GNG7: variants seen among roughly 807,000 people sequenced by gnomAD.
GNG7 encodes guanine nucleotide-binding protein G(I)/G(S)/G(O) subunit gamma-7.
GNG7 carries 1 observed loss-of-function variant against 4.0 expected under a neutral mutation model. The ratio of observed to expected loss-of-function variants is 0.25; its 90% CI spans 0.09 to 1.18. The LOEUF is 1.18. Ranked by LOEUF, GNG7 falls within the 50% of genes most tolerant of loss-of-function variation. The pLI, the probability that GNG7 is intolerant of heterozygous loss-of-function variation, is 0.50. For synonymous variants in GNG7, 34 were observed against 36.9 expected (o/e 0.92, Z 0.29); for missense variants, 86 against 91.9 (o/e 0.94, Z 0.26).
At chr19:2,585,832 C>T (rs983002246) in intron 2 of GNG7, among the ~76,000 whole-genome samples, 3 of 152,146 alleles carry the variant, frequency 2.0e-5, no homozygotes, top group African/African-American at 7.2e-5. Context: ...TCCCGAGTAG[C>T]TGGGATTACA....
At chr19:2,541,257 G>A (rs2098083) in intron 3 of GNG7, among the ~76,000 whole-genome samples, 1 of 152,148 alleles carries the variant, frequency 6.6e-6, no homozygotes, top group Admixed American at 6.5e-5. Context: ...AATTGCTTGA[G>A]GCCAGGAGTT....
At chr19:2,606,691 A>AC (rs1981395175) in intron 2 of GNG7, among the ~76,000 whole-genome samples, 2 of 144,772 alleles carry the variant, frequency 1.4e-5, no homozygotes, top group African/African-American at 5.0e-5. Context: ...TAATTAATTA[A>AC]TTTAAAAAAA....
intron 2 of GNG7, among the ~76,000 whole-genome samples, chr19:2,612,768 G>A (rs1365680393): frequency 5.7e-5 from 8 of 141,292 alleles, no homozygotes; most frequent in South Asian, 2.2e-4. Flanking sequence ...ATCTCGGCTC[G>A]CTGCAACTTC....
At position 2,513,382 on chromosome 19, in the gene GNG7, G is replaced by A; in HGVS notation, c.*1640C>T. 1.8e-6 allele frequency: 1 copy of A among 565,284 alleles called. No homozygotes were observed. Among genetic ancestry groups the A allele is most frequent in the Non-Finnish European group, 2.2e-6 (1 of 445,966 alleles). The allele number at this position is 565,284 out of a possible 1,614,324, so 35.0% of individuals were successfully genotyped here. ...CCGTGGAGGGGGTCGGGGCGGCCAG[G>A]CCTCCTGCGATCAGGGCTGCGTGGG... On this transcript the variant is annotated 3_prime_UTR_variant, in exon 5 of 5. Coordinates refer to ENST00000382159, the MANE Select transcript of GNG7 (RefSeq NM_052847.3).
At chr19:2,640,192 G>C (rs1440999668) in intron 2 of GNG7, among the ~76,000 whole-genome samples, 2 of 144,498 alleles carry the variant, frequency 1.4e-5, no homozygotes, top group African/African-American at 5.2e-5. Flanking sequence ...GAAGGAGAGA[G>C]AAGGGGGAGA....
chr19:2,545,905 A>C (rs1291525022), intron 3 of GNG7, among the ~76,000 whole-genome samples: 1 of 152,142 alleles, frequency 6.6e-6, no homozygotes, highest in Non-Finnish European at 1.5e-5. Flanking sequence ...CGGTGAGCCA[A>C]AATCGCGCCA....
intron 2 of GNG7, among the ~76,000 whole-genome samples, chr19:2,635,973 G>A (rs1005088221): frequency 6.6e-6 from 1 of 152,222 alleles, no homozygotes; most frequent in Admixed American, 6.5e-5. Context: ...CTGGCATGGA[G>A]TGGGTGGAGG....
Position 2,557,155 on chromosome 19 carries a change from CAA to C in GNG7, c.-77-1969_-77-1968del, listed in dbSNP as rs1404449750. Among the ~76,000 whole-genome samples, 12 of 151,932 alleles carry C rather than the reference CAA, an allele frequency of 7.9e-5. No homozygotes were observed. Among genetic ancestry groups the C allele is most frequent in the South Asian group, 2.1e-4 (1 of 4,816 alleles). On this transcript the variant is annotated intron_variant, in intron 2 of 4. Transcript: ENST00000382159. This position sits in a 1 kb window ranked among gnomAD's most constrained non-coding sequence, Gnocchi z 5.1. Reference sequence around the variant, plus strand: ...TACTGCACACTCACGCACATGCACACAAAGACACGCGCACACACGTACACACA... The same window carrying C: ...TACTGCACACTCACGCACATGCACACAGACACGCGCACACACGTACACACA...
rs1050014027 is a variant in GNG7, at chr19:2,689,554, C to T, written c.-135+13092G>A. On this transcript the variant is annotated intron_variant, in intron 1 of 4. Coordinates refer to ENST00000382159, the MANE Select transcript of GNG7 (RefSeq NM_052847.3). ...AGGAGGATCACTTGAACCTGGGAGG[C>T]GGAGGCTGCAGTGAGCTGAGATGGC... 4.9e-5 allele frequency among the ~76,000 whole-genome samples: 6 copies of T among 123,648 alleles called. No individual in the cohort carries two copies. The Admixed American group carries it at 6.3e-4, about 13-fold the overall frequency. The allele number at this position is 123,648 out of a possible 152,430, so 81.1% of individuals were successfully genotyped here.
intron 2 of GNG7, among the ~76,000 whole-genome samples, chr19:2,567,564 G>C (rs1430814373): frequency 6.6e-6 from 1 of 152,052 alleles, no homozygotes; most frequent in South Asian, 2.1e-4. Context: ...GAGCTCAAGC[G>C]ATCGTCCCAC....
rs368301142 is a variant in GNG7 at position 2,625,161 on chromosome 19, C to T, written c.-78+21063G>A. Among the ~76,000 whole-genome samples, 17 of 152,312 alleles carry T rather than the reference C, an allele frequency of 1.1e-4. No individual in the cohort carries two copies. The East Asian group carries it at 1.9e-3, about 17-fold the overall frequency. ...TCAGCTCACTGCAACCTCCGCCTCCCGGGTTCAAGCAATCCTCCTGCCTCA... is the reference window on the plus strand; with the variant it reads ...TCAGCTCACTGCAACCTCCGCCTCCTGGGTTCAAGCAATCCTCCTGCCTCA... On this transcript the variant is annotated intron_variant, in intron 2 of 4. Transcript: ENST00000382159.
intron 2 of GNG7, chr19:2,643,542 A>G (rs1353164335): frequency 5.7e-6 from 2 of 352,336 alleles, no homozygotes; most frequent in African/African-American, 6.3e-5. Flanking sequence ...CACCATGTCC[A>G]CTGGAAATGC....
At chr19:2,629,153 C>A (rs190788819) in intron 2 of GNG7, among the ~76,000 whole-genome samples, 1 of 152,156 alleles carries the variant, frequency 6.6e-6, no homozygotes, top group East Asian at 1.9e-4. Context: ...CAGCAAAGAA[C>A]TTTGGGGAAA....
intron 2 of GNG7, among the ~76,000 whole-genome samples, chr19:2,612,304 C>T (rs2144823744): frequency 6.6e-6 from 1 of 152,302 alleles, no homozygotes; most frequent in Non-Finnish European, 1.5e-5. Context: ...TCCGCCCACT[C>T]CATGCCAGGA....
intron 1 of GNG7, among the ~76,000 whole-genome samples, chr19:2,685,348 G>A (rs889899182): frequency 3.3e-5 from 5 of 151,996 alleles, no homozygotes; most frequent in African/African-American, 1.2e-4. Flanking sequence ...AGAAGGCTGG[G>A]TGCAGTGGGT....
chr19:2,666,403 C>A (rs1983312785), intron 1 of GNG7, among the ~76,000 whole-genome samples: 1 of 152,194 alleles, frequency 6.6e-6, no homozygotes, highest in Non-Finnish European at 1.5e-5. Context: ...AAACTCTTGA[C>A]CTCAGGTGAT....
At chr19:2,681,090 T>G (rs1983723226) in intron 1 of GNG7, among the ~76,000 whole-genome samples, 1 of 152,276 alleles carries the variant, frequency 6.6e-6, no homozygotes, top group African/African-American at 2.4e-5. Context: ...TCTTTGATCC[T>G]CCTGTGTAAC....
At chr19:2,612,266 T>G (rs916655952) in intron 2 of GNG7, among the ~76,000 whole-genome samples, 2 of 152,146 alleles carry the variant, frequency 1.3e-5, no homozygotes, top group Non-Finnish European at 2.9e-5. Context: ...TCCTGGGCAC[T>G]GCAGGGTGCT....
chr19:2,594,343 C>A (rs2144804684), intron 2 of GNG7, among the ~76,000 whole-genome samples: 1 of 150,566 alleles, frequency 6.6e-6, no homozygotes, highest in East Asian at 2.0e-4. Context: ...CCACTGCACT[C>A]CAGCCTAGGC....
Sources: gnomAD v4.1 joint callset for allele counts (sites outside exome capture counted in the v4.1 genomes callset) on GRCh38, gnomAD v4.1.1 for gene constraint, Gnocchi (gnomAD v3.1) non-coding constraint, MANE v1.5 for transcripts, NCBI Gene and HGNC (gene_info 2026-07-23, HGNC 2026-07-21) for gene names.